FRMPD3: variants seen among roughly 807,000 people sequenced by gnomAD.
The protein encoded by FRMPD3 is FERM and PDZ domain-containing protein 3.
A neutral mutation model predicts 97.9 loss-of-function variants in FRMPD3; 42 were observed. The ratio of observed to expected loss-of-function variants is 0.43; its 90% CI spans 0.34 to 0.55. FRMPD3 has a LOEUF of 0.55. FRMPD3 is among the 20% of genes least tolerant of loss of function. The pLI is 0.03. For missense variants in FRMPD3, 1,303 were observed against 1,457.7 expected (o/e 0.89, Z 1.73); for synonymous variants, 577 against 581.1 (o/e 0.99, Z 0.10).
intron 8 of FRMPD3, among the ~76,000 whole-genome samples, chrX:107,557,089 A>G (rs1174888054): frequency 8.9e-6 from 1 of 112,318 alleles, no homozygotes; most frequent in Non-Finnish European, 1.9e-5. Flanking sequence ...CCCACCAGCC[A>G]TGTATGAGAG....
At chrX:107,565,100 G>C in intron 12 of FRMPD3, 34 bp downstream of exon 12, 1 of 1,105,484 alleles carries the variant, frequency 9.0e-7, no homozygotes, top group Non-Finnish European at 1.2e-6. Flanking sequence ...CTTCTGTTTA[G>C]GAACAGGCCT....
intron 4 of FRMPD3, chrX:107,545,471 T>C (rs1921542847): frequency 4.2e-6 from 1 of 237,226 alleles, no homozygotes; most frequent in Non-Finnish European, 7.5e-6. Context: ...AAAGAACTTT[T>C]GCAAACTCCC....
At chrX:107,522,519 G>A (rs1469661797) in intron 1 of FRMPD3, 1 of 531,810 alleles carries the variant, frequency 1.9e-6, no homozygotes, top group South Asian at 2.6e-5. Flanking sequence ...TGCAATTGTG[G>A]GTCCTAGCAT....
chrX:107,488,633 G>A (rs1318674674), intron 1 of FRMPD3, among the ~76,000 whole-genome samples: 1 of 111,603 alleles, frequency 9.0e-6, no homozygotes, highest in Non-Finnish European at 1.9e-5. Context: ...TATGTACTGT[G>A]CATCATCATA....
rs145003722 is a variant in FRMPD3 at position 107,476,568 on chromosome X, G to C, written c.-8+26563G>C. 2.6e-3 allele frequency among the ~76,000 whole-genome samples: 291 copies of C among 112,253 alleles called. 1 individual carries two copies. Among genetic ancestry groups the C allele is most frequent in the African/African-American group, 8.6e-3 (266 of 30,875 alleles). ...TGTCACCCTACTACTGGGCCAGGCTGTAGGCTCAGACAGGATCCTCACATT... is the reference window on the plus strand; with the variant it reads ...TGTCACCCTACTACTGGGCCAGGCTCTAGGCTCAGACAGGATCCTCACATT... On this transcript the variant is annotated intron_variant, in intron 1 of 14. Transcript: ENST00000683843.
chrX:107,482,916 T>G (rs760878817), intron 1 of FRMPD3, among the ~76,000 whole-genome samples: 22 of 111,623 alleles, frequency 2.0e-4, no homozygotes, highest in South Asian at 1.9e-3. Context: ...AACAGGGCAG[T>G]TCTCAAAAAA....
intron 13 of FRMPD3, among the ~76,000 whole-genome samples, chrX:107,577,831 A>G (rs1262506463): frequency 1.8e-5 from 2 of 111,619 alleles, no homozygotes; most frequent in Non-Finnish European, 3.8e-5. Flanking sequence ...TTTACATCTC[A>G]TGACATTGTC....
At chrX:107,466,094 A>C (rs1232815667) in intron 1 of FRMPD3, among the ~76,000 whole-genome samples, 1 of 112,547 alleles carries the variant, frequency 8.9e-6, no homozygotes, top group Non-Finnish European at 1.9e-5. Context: ...CCTTATTAAC[A>C]GCCACATAAC....
intron 12 of FRMPD3, among the ~76,000 whole-genome samples, chrX:107,571,773 A>G (rs1390156395): frequency 8.9e-6 from 1 of 112,421 alleles, no homozygotes; most frequent in African/African-American, 3.2e-5. Context: ...CAACCAGGGC[A>G]TGAGTGAGTC....
At chrX:107,525,952 T>C (rs1182231220) in intron 1 of FRMPD3, among the ~76,000 whole-genome samples, 1 of 110,640 alleles carries the variant, frequency 9.0e-6, no homozygotes, top group Admixed American at 9.6e-5. Flanking sequence ...GGCACATGCC[T>C]GTAGTCCCAG....
At chrX:107,570,652 C>T (rs985924752) in intron 12 of FRMPD3, among the ~76,000 whole-genome samples, 1 of 111,514 alleles carries the variant, frequency 9.0e-6, no homozygotes. Context: ...CCCAATTAGC[C>T]TTTCCCAGTG....
chrX:107,458,000 C>T (rs1931407313), intron 1 of FRMPD3, among the ~76,000 whole-genome samples: 1 of 112,025 alleles, frequency 8.9e-6, no homozygotes, highest in Non-Finnish European at 1.9e-5. Context: ...CCCAGAAAAC[C>T]TTAGGAGGTG....
chrX:107,577,542 G>A (rs1374940339), intron 13 of FRMPD3, among the ~76,000 whole-genome samples: 15 of 107,694 alleles, frequency 1.4e-4, no homozygotes, highest in African/African-American at 6.8e-5. Context: ...CCAGCTACTC[G>A]GGAGGCTGAG....
intron 1 of FRMPD3, among the ~76,000 whole-genome samples, chrX:107,501,370 T>TGTAAAAAATACTGACA (rs1388241573): frequency 1.1e-5 from 1 of 87,250 alleles, no homozygotes; most frequent in African/African-American, 4.6e-5. Context: ...TTTTTTTTTT[T>TGTAAAAAATACTGACA]TTTTTTTTTG....
intron 1 of FRMPD3, among the ~76,000 whole-genome samples, chrX:107,496,180 T>C (rs781503229): frequency 8.9e-6 from 1 of 112,388 alleles, no homozygotes; most frequent in East Asian, 2.8e-4. Flanking sequence ...TTGTGGGTTA[T>C]TATTTGAGAC....
At chrX:107,598,713 G>C (rs940973588) in intron 14 of FRMPD3, among the ~76,000 whole-genome samples, 9 of 112,111 alleles carry the variant, frequency 8.0e-5, no homozygotes, top group African/African-American at 2.9e-4. Context: ...CATCTTAAAT[G>C]GGTTTTATAA....
chrX:107,507,564 C>T (rs1190376139), intron 1 of FRMPD3, among the ~76,000 whole-genome samples: 1 of 111,840 alleles, frequency 8.9e-6, no homozygotes, highest in East Asian at 2.9e-4. Flanking sequence ...TTCCATGGGG[C>T]CGGGATACCC....
chrX:107,511,332 G>A (rs746450449), intron 1 of FRMPD3, among the ~76,000 whole-genome samples: 3 of 112,121 alleles, frequency 2.7e-5, no homozygotes, highest in South Asian at 3.7e-4. Context: ...AGTGCCCTCC[G>A]TCTCCACTTG....
rs1427432277 is a variant in FRMPD3 at position 107,597,900 on chromosome X, G to A, written c.2021G>A (p.Arg674Gln). The change falls in exon 14 of 15, where the codon CGA becomes CAA. Residue 674 changes from arginine to glutamine, a missense_variant. Arg to Gln is a conservative substitution (Grantham distance 43). Transcript: ENST00000683843. The part of the protein sequence containing the change: ...PAIAAPPPGF[R>Q]DNSSDEDDPK... ...ATTGCTGCCCCACCCCCTGGTTTCC[G>A]AGACAACAGCTCTGATGAGGATGAC... 7 of 1,208,055 alleles carry A rather than the reference G, an allele frequency of 5.8e-6. No homozygotes were observed. Among genetic ancestry groups the A allele is most frequent in the South Asian group, 3.5e-5 (2 of 56,579 alleles).
Sources: gnomAD v4.1 joint callset for allele counts (sites outside exome capture counted in the v4.1 genomes callset) on GRCh38, gnomAD v4.1.1 for gene constraint, MANE v1.5 for transcripts, NCBI Gene and HGNC (gene_info 2026-07-23, HGNC 2026-07-21) for gene names.